Variants in ATP13A4 observed in about 807,000 individuals in gnomAD.
ATP13A4 encodes probable cation-transporting ATPase 13A4.
A neutral mutation model predicts 142.5 loss-of-function variants in ATP13A4; 114 were observed. That is an observed-to-expected ratio of 0.80 (90% CI 0.69 to 0.93). ATP13A4 has a LOEUF of 0.93. ATP13A4 is among the 40% of genes least tolerant of loss of function. The probability of loss-of-function intolerance (pLI) is 0.00; values close to 1 mark genes in which losing one functional copy is unlikely to be tolerated. For missense variants in ATP13A4, 1,392 were observed against 1,454.0 expected (o/e 0.96, Z 0.69); for synonymous variants, 488 against 514.8 (o/e 0.95, Z 0.70).
Position 193,433,911 on chromosome 3 carries a change from T to C in ATP13A4, c.2776A>G (p.Asn926Asp). 2 of 1,613,450 alleles carry C rather than the reference T, an allele frequency of 1.2e-6. No homozygotes were observed. The highest frequency in any genetic ancestry group is 1.7e-6 in the Non-Finnish European group (2 of 1,179,396). ...AGAAACTGGTAATTTGAAAGGCTGT[T>C]TGTCTCCTGAAAATAAAAAGAAAGC... is the stretch of plus-strand genomic sequence containing the variant. ...VGVLLLYWET[N>D]SLSNYQFLFQ... Residue 926 changes from asparagine (N) to aspartate (D), a missense_variant, in exon 25 of 30, where the codon AAC (asparagine) becomes GAC (aspartate). By Grantham distance (23) the Asn-to-Asp change is conservative. Coordinates refer to ENST00000342695, the MANE Select transcript of ATP13A4 (RefSeq NM_032279.4).
intron 12 of ATP13A4, among the ~76,000 whole-genome samples, 155 bp downstream of exon 12, chr3:193,464,784 AG>A (rs1016950359): frequency 3.3e-5 from 5 of 152,176 alleles, no homozygotes; most frequent in South Asian, 2.1e-4. Context: ...CGAGCTCAAG[AG>A]ACATATCTTT....
At chr3:193,589,585 A>G (rs1724726667) in intron 1 of ATP13A4, among the ~76,000 whole-genome samples, 1 of 152,194 alleles carries the variant, frequency 6.6e-6, no homozygotes, top group Non-Finnish European at 1.5e-5. Flanking sequence ...AAATATTTAG[A>G]GTTTTACCTG....
intron 2 of ATP13A4, among the ~76,000 whole-genome samples, chr3:193,575,334 C>A (rs1025073913): frequency 6.6e-6 from 1 of 152,086 alleles, no homozygotes; most frequent in Non-Finnish European, 1.5e-5. Context: ...GAGGAGGAGG[C>A]TTTTCTGTAT....
Position 193,457,162 on chromosome 3 carries a change from G to A in ATP13A4, c.1762-9C>T, listed in dbSNP as rs1196791513. ...ATTCCTTCCACTGGGACCTGGTTGA[G>A]GGATGGGGAAAGGAGAGGAACATGC... is the stretch of plus-strand genomic sequence containing the variant. On this transcript the variant is annotated splice_polypyrimidine_tract_variant and intron_variant, in intron 15 of 29. Transcript: ENST00000342695. 1 of 1,612,808 alleles carries A rather than the reference G, an allele frequency of 6.2e-7. No homozygotes were observed. The highest frequency in any genetic ancestry group is 8.5e-7 in the Non-Finnish European group (1 of 1,180,022).
At chr3:193,582,636 T>TG (rs1274903125) in intron 1 of ATP13A4, among the ~76,000 whole-genome samples, 2 of 88,546 alleles carry the variant, frequency 2.3e-5, no homozygotes, top group South Asian at 3.1e-4. Context: ...ATTACATACA[T>TG]TATATATGTA....
intron 1 of ATP13A4, among the ~76,000 whole-genome samples, chr3:193,539,904 G>A (rs931539358): frequency 6.6e-6 from 1 of 152,088 alleles, no homozygotes; most frequent in Non-Finnish European, 1.5e-5. Flanking sequence ...GACACTCTGT[G>A]GGAAATTATT....
intron 3 of ATP13A4, among the ~76,000 whole-genome samples, chr3:193,498,154 C>T (rs1415751454): frequency 1.3e-5 from 2 of 151,860 alleles, no homozygotes; most frequent in South Asian, 2.1e-4. Context: ...ATAATGTATA[C>T]ATGTATCAAA....
At chr3:193,513,957 C>G (rs1426512725) in intron 2 of ATP13A4, among the ~76,000 whole-genome samples, 1 of 152,222 alleles carries the variant, frequency 6.6e-6, no homozygotes, top group Non-Finnish European at 1.5e-5. Flanking sequence ...GACTACTTCA[C>G]ATTTCCTGTT....
At chr3:193,418,271 A>G (rs1715211162) in intron 25 of ATP13A4, among the ~76,000 whole-genome samples, 1 of 146,298 alleles carries the variant, frequency 6.8e-6, no homozygotes, top group Admixed American at 7.2e-5. Flanking sequence ...GTGAGCCGAG[A>G]TTGCGCCACT....
chr3:193,407,376 G>C lies in ATP13A4; in HGVS notation c.3315C>G (p.Val1105=), dbSNP rs1279124994. The C allele has an allele frequency of 6.2e-7, 1 of 1,613,422 alleles. No individual in the cohort carries two copies. The highest frequency in any genetic ancestry group is 8.5e-7 in the Non-Finnish European group (1 of 1,179,474). Residue 1105 remains valine, a synonymous_variant, in exon 29 of 30, where the codon GTC becomes GTG. Coordinates refer to ENST00000342695, the MANE Select transcript of ATP13A4 (RefSeq NM_032279.4). ...YRRLDLLCTP[V]LWRASIVIML... ...TGATGACAATGGAGGCCCTCCACAGGACGGGAGTGCAGAGCAGCTGGCGGG... is the reference window on the plus strand; with the variant it reads ...TGATGACAATGGAGGCCCTCCACAGCACGGGAGTGCAGAGCAGCTGGCGGG...
At chr3:193,456,796 G>C (rs1480023919) in intron 16 of ATP13A4, among the ~76,000 whole-genome samples, 1 of 152,154 alleles carries the variant, frequency 6.6e-6, no homozygotes, top group South Asian at 2.1e-4. Context: ...GCGGGGGATG[G>C]TGGTACCGTG....
At chr3:193,448,061 A>G in intron 18 of ATP13A4, 145 bp downstream of exon 18, 1 of 1,033,160 alleles carries the variant, frequency 9.7e-7, no homozygotes, top group South Asian at 1.5e-5. Context: ...GGAAAGCAGT[A>G]AATGTGCCTT....
At chr3:193,487,480 T>A (rs1490824225) in intron 7 of ATP13A4, among the ~76,000 whole-genome samples, 1 of 152,182 alleles carries the variant, frequency 6.6e-6, no homozygotes, top group East Asian at 1.9e-4. Context: ...AAACTGGTAT[T>A]ACTTTTTTAT....
chr3:193,432,684 G>C (rs889085789), intron 25 of ATP13A4, among the ~76,000 whole-genome samples: 2 of 151,836 alleles, frequency 1.3e-5, no homozygotes, highest in South Asian at 2.1e-4. Context: ...TTCTAGAAAA[G>C]CCAAACAAAC....
Position 193,438,551 on chromosome 3 carries a change from A to C in ATP13A4, c.2596T>G (p.Ser866Ala). ...LKMAHVGISL[S>A]EQEASVASPF... Reference sequence around the variant, plus strand: ...GAGGCCACAGATGCCTCCTGCTCTGATAATGAGATGCCCACATGAGCCATT... The same window carrying C: ...GAGGCCACAGATGCCTCCTGCTCTGCTAATGAGATGCCCACATGAGCCATT... Residue 866 changes from serine (S) to alanine (A), a missense_variant, in exon 23 of 30, where the codon TCA (serine) becomes GCA (alanine). Ser to Ala is a moderately conservative substitution (Grantham distance 99). Coordinates refer to ENST00000342695, the MANE Select transcript of ATP13A4 (RefSeq NM_032279.4). 1.2e-6 allele frequency: 2 copies of C among 1,614,200 alleles called. No individual in the cohort carries two copies. Among genetic ancestry groups the C allele is most frequent in the Non-Finnish European group, 1.7e-6 (2 of 1,180,040 alleles).
At chr3:193,515,755 TG>T (rs1395340411) in intron 1 of ATP13A4, among the ~76,000 whole-genome samples, 1 of 152,216 alleles carries the variant, frequency 6.6e-6, no homozygotes, top group African/African-American at 2.4e-5. Flanking sequence ...CTGAAGTTTA[TG>T]GTCTTAGTCC....
intron 2 of ATP13A4, among the ~76,000 whole-genome samples, chr3:193,560,351 G>A (rs934834154): frequency 1.3e-5 from 2 of 151,960 alleles, no homozygotes; most frequent in African/African-American, 4.8e-5. Flanking sequence ...TGGGACTACA[G>A]GCAAGAGCCA....
At chr3:193,456,965 G>A in intron 16 of ATP13A4, 35 bp downstream of exon 16, 1 of 1,590,452 alleles carries the variant, frequency 6.3e-7, no homozygotes, top group Non-Finnish European at 8.6e-7. Context: ...TGGAGATACA[G>A]ATTTGCCAGG....
intron 11 of ATP13A4, among the ~76,000 whole-genome samples, chr3:193,465,416 G>T (rs1030052273): frequency 6.6e-6 from 1 of 152,188 alleles, no homozygotes; most frequent in African/African-American, 2.4e-5. Context: ...TTGAACTCCT[G>T]ACTTCAGGTG....
Sources: allele counts gnomAD v4.1 joint callset (sites outside exome capture counted in the v4.1 genomes callset), GRCh38; gene constraint gnomAD v4.1.1; transcripts MANE v1.5; gene names NCBI Gene and HGNC (gene_info 2026-07-23, HGNC 2026-07-21).